PAK5: variants seen among roughly 807,000 people sequenced by gnomAD.
The protein encoded by PAK5 is p21 (RAC1) activated kinase 5.
A neutral mutation model predicts 65.9 loss-of-function variants in PAK5; 16 were observed. The ratio of observed to expected loss-of-function variants is 0.24; its 90% CI spans 0.16 to 0.37. The LOEUF is 0.37. PAK5 is among the 10% of genes least tolerant of loss of function. The pLI is 1.00. For missense variants in PAK5, 785 were observed against 903.9 expected (o/e 0.87, Z 1.69); for synonymous variants, 371 against 354.9 (o/e 1.05, Z -0.51).
intron 3 of PAK5, among the ~76,000 whole-genome samples, chr20:9,621,272 A>G (rs1235894393): frequency 6.6e-6 from 1 of 152,168 alleles, no homozygotes; most frequent in East Asian, 1.9e-4. Context: ...CATGCAAAAT[A>G]AGGGAGTGTC....
intron 1 of PAK5, among the ~76,000 whole-genome samples, chr20:9,766,382 A>ACT: frequency 1.5e-5 from 1 of 65,890 alleles, no homozygotes; most frequent in African/African-American, 6.7e-5. Flanking sequence ...CAAGCAGAAT[A>ACT]TATATGTATA....
At chr20:9,633,198 C>G (rs1203983382) in intron 3 of PAK5, among the ~76,000 whole-genome samples, 1 of 152,100 alleles carries the variant, frequency 6.6e-6, no homozygotes, top group Non-Finnish European at 1.5e-5. Context: ...GGCATAAGCA[C>G]AGAGGGAAAT....
intron 1 of PAK5, among the ~76,000 whole-genome samples, chr20:9,825,251 T>C (rs1405586738): frequency 3.3e-5 from 5 of 152,248 alleles, no homozygotes; most frequent in African/African-American, 9.6e-5. Flanking sequence ...GCTATCATCC[T>C]TCTATCCCAA....
chr20:9,615,566 C>T (rs1356966638), intron 3 of PAK5, among the ~76,000 whole-genome samples: 2 of 152,206 alleles, frequency 1.3e-5, no homozygotes, highest in Non-Finnish European at 2.9e-5. Context: ...TACAGTTTGT[C>T]GAATCTTGAC....
chr20:9,799,742 G>A (rs923958878), intron 1 of PAK5, among the ~76,000 whole-genome samples: 5 of 151,770 alleles, frequency 3.3e-5, no homozygotes, highest in Non-Finnish European at 5.9e-5. Flanking sequence ...AAATGAGAGA[G>A]CAGCATGACA....
chr20:9,685,390 G>A (rs185928532), intron 2 of PAK5, among the ~76,000 whole-genome samples: 694 of 152,290 alleles, frequency 4.6e-3, no homozygotes, highest in Non-Finnish European at 6.7e-3. Flanking sequence ...GATCCAATAT[G>A]TCTGGTGGCC....
At chr20:9,717,052 T>G (rs2123505292) in intron 1 of PAK5, among the ~76,000 whole-genome samples, 1 of 150,010 alleles carries the variant, frequency 6.7e-6, no homozygotes, top group African/African-American at 2.5e-5. Context: ...GCCACCGTAT[T>G]CCAGCCTGGG....
At chr20:9,743,313 T>C (rs1009629070) in intron 1 of PAK5, among the ~76,000 whole-genome samples, 2 of 151,978 alleles carry the variant, frequency 1.3e-5, no homozygotes, top group African/African-American at 2.4e-5. Flanking sequence ...GAATCTGAAG[T>C]GAGCCATTAT....
At chr20:9,649,097 C>A (rs2047171453) in intron 2 of PAK5, among the ~76,000 whole-genome samples, 1 of 152,140 alleles carries the variant, frequency 6.6e-6, no homozygotes, top group Non-Finnish European at 1.5e-5. Context: ...TAGAAGTAGG[C>A]AATTCAAGAA....
intron 2 of PAK5, among the ~76,000 whole-genome samples, chr20:9,670,820 T>G (rs1264165398): frequency 6.6e-6 from 1 of 152,236 alleles, no homozygotes; most frequent in Non-Finnish European, 1.5e-5. Context: ...GCCATTGCTT[T>G]TGGTGTTTTA....
intron 3 of PAK5, among the ~76,000 whole-genome samples, chr20:9,584,581 G>C (rs369562636): frequency 2.6e-5 from 4 of 152,186 alleles, no homozygotes; most frequent in African/African-American, 9.6e-5. Context: ...AAAGTGCTGG[G>C]ATTACAGGCG....
At chr20:9,570,576 T>C (rs1439844698) in intron 4 of PAK5, among the ~76,000 whole-genome samples, 1 of 109,990 alleles carries the variant, frequency 9.1e-6, no homozygotes, top group African/African-American at 5.9e-5. Context: ...ACTGGATTCT[T>C]CCTTCAATAA....
In PAK5 at chr20:9,662,046, G is replaced by T. The variant is rs115860042; in HGVS notation, c.-11-17707C>A. ...TACAATAGAAGCTTGGGGTTTATCT[G>T]TAGAGGTCTTTTACTATGATTCTTG... On this transcript the variant is annotated intron_variant, in intron 2 of 9. Coordinates refer to ENST00000353224, the MANE Select transcript of PAK5 (RefSeq NM_177990.4). Among the ~76,000 whole-genome samples the T allele has an allele frequency of 2.2e-3, 339 of 152,256 alleles. 2 individuals are homozygous for T. Among genetic ancestry groups the T allele is most frequent in the African/African-American group, 7.8e-3 (323 of 41,542 alleles).
At chr20:9,816,960 G>A (rs2049364519) in intron 1 of PAK5, among the ~76,000 whole-genome samples, 2 of 151,966 alleles carry the variant, frequency 1.3e-5, no homozygotes, top group South Asian at 4.2e-4. Flanking sequence ...TATTTTACAG[G>A]AGGAAACTTA....
intron 4 of PAK5, among the ~76,000 whole-genome samples, chr20:9,573,729 G>A (rs1046151866): frequency 6.6e-6 from 1 of 152,182 alleles, no homozygotes; most frequent in South Asian, 2.1e-4. Flanking sequence ...CAGGGGGGCC[G>A]TGGCTGGAGC....
chr20:9,826,285 ATAG>A (rs1479115655), intron 1 of PAK5, among the ~76,000 whole-genome samples: 4 of 152,210 alleles, frequency 2.6e-5, no homozygotes, highest in African/African-American at 9.6e-5. Context: ...CTAAATTGAC[ATAG>A]TCAAATATTT....
chr20:9,541,637 C>T (rs1452554533), intron 9 of PAK5, among the ~76,000 whole-genome samples: 1 of 152,134 alleles, frequency 6.6e-6, no homozygotes, highest in Non-Finnish European at 1.5e-5. Context: ...TCTTCCTATT[C>T]AGGTCCCAGC....
intron 1 of PAK5, among the ~76,000 whole-genome samples, chr20:9,784,722 G>A (rs1457450247): frequency 6.6e-6 from 1 of 151,846 alleles, no homozygotes; most frequent in Non-Finnish European, 1.5e-5. Context: ...CAGGAGGAAG[G>A]GAAGACATCA....
chr20:9,733,149 C>T (rs962567046), intron 1 of PAK5, among the ~76,000 whole-genome samples: 2 of 152,124 alleles, frequency 1.3e-5, no homozygotes, highest in Non-Finnish European at 2.9e-5. Flanking sequence ...GTCTTTTGAC[C>T]TCACAGAAGT....
Sources: gnomAD v4.1 joint callset for allele counts (sites outside exome capture counted in the v4.1 genomes callset) on GRCh38, gnomAD v4.1.1 for gene constraint, MANE v1.5 for transcripts, NCBI Gene and HGNC (gene_info 2026-07-23, HGNC 2026-07-21) for gene names.